The following SUMF1 variants were observed in gnomAD, a reference collection of about 807,000 sequenced individuals.
The protein encoded by SUMF1 is formylglycine-generating enzyme.
Under a neutral mutation model 47.6 loss-of-function variants are expected in SUMF1, and 48 were observed. The ratio of observed to expected loss-of-function variants is 1.01; its 90% CI spans 0.80 to 1.28. SUMF1 has a LOEUF of 1.28. SUMF1 is among the 50% of genes most tolerant of loss of function. The pLI, the probability that SUMF1 is intolerant of heterozygous loss-of-function variation, is 0.00. For missense variants in SUMF1, 571 were observed against 485.4 expected (o/e 1.18, Z -1.66); for synonymous variants, 230 against 192.1 (o/e 1.20, Z -1.63).
chr3:4,146,785 T>C (rs1424777094), intron 8 of SUMF1, among the ~76,000 whole-genome samples: 1 of 149,830 alleles, frequency 6.7e-6, no homozygotes, highest in Non-Finnish European at 1.5e-5. Context: ...GAACATGCAG[T>C]GTTTGGTTTT....
intron 8 of SUMF1, among the ~76,000 whole-genome samples, chr3:4,142,417 G>C (rs1694092411): frequency 6.6e-6 from 1 of 152,144 alleles, no homozygotes; most frequent in Non-Finnish European, 1.5e-5. Context: ...CTTACTGAGA[G>C]TAGGAATAGT....
intron 8 of SUMF1, among the ~76,000 whole-genome samples, chr3:4,237,087 C>G (rs951762170): frequency 6.6e-6 from 1 of 152,082 alleles, no homozygotes; most frequent in African/African-American, 2.4e-5. Context: ...TTTCCTTATA[C>G]AGCTAAATAA....
At chr3:4,126,599 G>A (rs978386453) in intron 8 of SUMF1, among the ~76,000 whole-genome samples, 13 of 152,208 alleles carry the variant, frequency 8.5e-5, no homozygotes, top group South Asian at 2.1e-4. Context: ...AGCAACAGGA[G>A]TCTAAGAAAG....
chr3:4,088,271 A>T (rs1692713590), intron 8 of SUMF1, among the ~76,000 whole-genome samples: 1 of 152,098 alleles, frequency 6.6e-6, no homozygotes, highest in African/African-American at 2.4e-5. Context: ...GCTTTTTACA[A>T]TGCCCTGATA....
intron 3 of SUMF1, among the ~76,000 whole-genome samples, chr3:4,428,485 T>G (rs711658): frequency 6.6e-6 from 1 of 151,964 alleles, no homozygotes; most frequent in African/African-American, 2.4e-5. Flanking sequence ...TTACAAGTAG[T>G]TAAGACTACA....
At chr3:4,081,444 T>C (rs189610433) in intron 8 of SUMF1, among the ~76,000 whole-genome samples, 9 of 152,270 alleles carry the variant, frequency 5.9e-5, no homozygotes, top group African/African-American at 2.2e-4. Flanking sequence ...CTAATTGAGT[T>C]GAATTCATTC....
At chr3:4,453,309 T>C (rs1703037803) in intron 1 of SUMF1, among the ~76,000 whole-genome samples, 1 of 152,092 alleles carries the variant, frequency 6.6e-6, no homozygotes, top group Non-Finnish European at 1.5e-5. Flanking sequence ...TGGAAACAGG[T>C]CTGGAATAAC....
intron 8 of SUMF1, among the ~76,000 whole-genome samples, chr3:4,115,126 C>T (rs143279681): frequency 6.6e-6 from 1 of 152,040 alleles, no homozygotes; most frequent in East Asian, 1.9e-4. Context: ...AGCTGGACCT[C>T]GAGAGGAGCA....
intron 8 of SUMF1, among the ~76,000 whole-genome samples, chr3:4,072,323 G>C (rs1219045265): frequency 6.6e-6 from 1 of 152,144 alleles, no homozygotes; most frequent in East Asian, 1.9e-4. Context: ...AACCCCATCT[G>C]TAGGTCACCA....
intron 8 of SUMF1, among the ~76,000 whole-genome samples, chr3:4,355,454 T>C (rs1256521406): frequency 1.3e-5 from 2 of 152,230 alleles, no homozygotes; most frequent in African/African-American, 4.8e-5. Context: ...TTGGCAAAGG[T>C]GTAGAGCAGA....
intron 8 of SUMF1, among the ~76,000 whole-genome samples, chr3:4,209,383 G>C (rs1235950614): frequency 6.6e-6 from 1 of 152,064 alleles, no homozygotes; most frequent in African/African-American, 2.4e-5. Flanking sequence ...GTCATTACCT[G>C]GTAGTTGAAC....
chr3:4,212,466 C>T (rs1559571612), intron 8 of SUMF1, among the ~76,000 whole-genome samples: 2 of 152,070 alleles, frequency 1.3e-5, no homozygotes, highest in South Asian at 2.1e-4. Flanking sequence ...GAAACAAGCA[C>T]AAAAAGTCTG....
intron 8 of SUMF1, chr3:4,303,365 G>C (rs1176028847): frequency 6.5e-7 from 1 of 1,544,130 alleles, no homozygotes; most frequent in Non-Finnish European, 8.7e-7. Context: ...TGCGTGAGGC[G>C]GGTAAATGTT....
chr3:4,456,819 T>A (rs1357067889), intron 1 of SUMF1, among the ~76,000 whole-genome samples: 1 of 149,778 alleles, frequency 6.7e-6, no homozygotes, highest in African/African-American at 2.4e-5. Flanking sequence ...TATACGTGTG[T>A]GTGTATATAT....
At chr3:4,250,532 G>A (rs1466546932) in intron 8 of SUMF1, among the ~76,000 whole-genome samples, 37 of 152,242 alleles carry the variant, frequency 2.4e-4, no homozygotes, top group Non-Finnish European at 1.5e-5. Flanking sequence ...TTTCAATGTA[G>A]ATGAAACAGC....
chr3:4,115,567 T>A (rs1007536720), intron 8 of SUMF1, among the ~76,000 whole-genome samples: 1 of 111,670 alleles, frequency 9.0e-6, no homozygotes, highest in Non-Finnish European at 1.9e-5. Context: ...CCTCACGACC[T>A]GCCAGTATGA....
chr3:4,179,119 T>C (rs574187839), intron 8 of SUMF1, among the ~76,000 whole-genome samples: 60 of 152,222 alleles, frequency 3.9e-4, no homozygotes, highest in African/African-American at 1.3e-3. Context: ...CCCAAAGTAA[T>C]TTACAGATTC....
intron 8 of SUMF1, among the ~76,000 whole-genome samples, chr3:4,120,610 A>C (rs1222261712): frequency 1.3e-5 from 2 of 152,102 alleles, no homozygotes; most frequent in Non-Finnish European, 2.9e-5. Flanking sequence ...TGGCCTAAGA[A>C]GGAAAGGGTC....
chr3:4,035,680 C>A (rs1472982788), intron 9 of SUMF1, among the ~76,000 whole-genome samples: 1 of 152,160 alleles, frequency 6.6e-6, no homozygotes, highest in African/African-American at 2.4e-5. Context: ...GACAGACCTA[C>A]CCTGGTTTGT....
Sources: gnomAD v4.1 joint callset for allele counts (sites outside exome capture counted in the v4.1 genomes callset) on GRCh38, gnomAD v4.1.1 for gene constraint, MANE v1.5 for transcripts, NCBI Gene and HGNC (gene_info 2026-07-23, HGNC 2026-07-21) for gene names.